ITGB5: variants seen among roughly 807,000 people sequenced by gnomAD.
The protein encoded by ITGB5 is integrin subunit beta 5, also known as integrin beta-5.
A neutral mutation model predicts 84.8 loss-of-function variants in ITGB5; 38 were observed. The observed-to-expected ratio is 0.45, with a 90% confidence interval of 0.35 to 0.59. The LOEUF is 0.59. ITGB5 is among the 20% of genes least tolerant of loss of function. ITGB5 has a pLI of 0.01. For missense variants in ITGB5, 905 were observed against 1,034.5 expected, an observed-to-expected ratio of 0.87 and a Z score of 1.72; for synonymous variants, 393 against 414.4, an observed-to-expected ratio of 0.95 and a Z score of 0.63.
intron 10 of ITGB5, among the ~76,000 whole-genome samples, chr3:124,793,701 G>A (rs558307863): frequency 6.6e-6 from 1 of 152,360 alleles, no homozygotes; most frequent in East Asian, 1.9e-4. Flanking sequence ...TCCTGCTATG[G>A]AGCCCAAACT....
rs1199631266 is a variant in ITGB5, at chr3:124,763,435, CT to C, written c.*187del. ...GGACGCAGCCTGGCATGGCTCTGGC[CT>C]AGCAGCCAGGTGACATGGCCAGGCA... On this transcript the variant is annotated 3_prime_UTR_variant, in exon 15 of 15. Coordinates refer to ENST00000296181, the MANE Select transcript of ITGB5 (RefSeq NM_002213.5). 4.1e-6 allele frequency: 2 copies of C among 489,436 alleles called. No homozygotes were observed. Among genetic ancestry groups the C allele is most frequent in the Non-Finnish European group, 7.4e-6 (2 of 271,964 alleles). The allele number at this position is 489,436 out of a possible 1,614,324, so 30.3% of individuals were successfully genotyped here.
chr3:124,880,893 T>C (rs1000112860), intron 1 of ITGB5, among the ~76,000 whole-genome samples: 7 of 151,880 alleles, frequency 4.6e-5, no homozygotes, highest in Admixed American at 4.6e-4. Flanking sequence ...CACACCACTG[T>C]ACTCCAGCCT....
At chr3:124,854,480 G>A (rs1463034261) in intron 3 of ITGB5, among the ~76,000 whole-genome samples, 1 of 152,188 alleles carries the variant, frequency 6.6e-6, no homozygotes, top group Non-Finnish European at 1.5e-5. Context: ...CTTGAAACAT[G>A]TTGCTAAGTG....
At chr3:124,831,738 T>C (rs1162416041) in intron 5 of ITGB5, among the ~76,000 whole-genome samples, 1 of 152,114 alleles carries the variant, frequency 6.6e-6, no homozygotes, top group African/African-American at 2.4e-5. Flanking sequence ...ATTGTCCAAA[T>C]GAAGAGGCCC....
chr3:124,791,996 C>G (rs955835484), intron 10 of ITGB5: 1 of 152,342 alleles, frequency 6.6e-6, no homozygotes, highest in Admixed American at 6.5e-5. Context: ...AACATGTTAT[C>G]AAGTCCTGCC....
At chr3:124,816,555 G>C (rs1294112911) in intron 8 of ITGB5, among the ~76,000 whole-genome samples, 1 of 152,198 alleles carries the variant, frequency 6.6e-6, no homozygotes. Context: ...TTGAGCAGGT[G>C]GGTAGGCAAT....
intron 4 of ITGB5, among the ~76,000 whole-genome samples, chr3:124,847,876 A>C (rs1168733230): frequency 1.3e-5 from 2 of 152,210 alleles, no homozygotes; most frequent in African/African-American, 4.8e-5. Context: ...AATTATGTGA[A>C]AATAAGTTAT....
intron 2 of ITGB5, 140 bp from the exon 3 acceptor site, chr3:124,859,586 G>A: frequency 1.5e-6 from 1 of 654,308 alleles, no homozygotes; most frequent in Non-Finnish European, 2.7e-6. Flanking sequence ...GGAGGAAATG[G>A]TAATCCCTAT....
At chr3:124,768,058 C>T (rs1355234333) in intron 12 of ITGB5, among the ~76,000 whole-genome samples, 4 of 152,098 alleles carry the variant, frequency 2.6e-5, no homozygotes, top group African/African-American at 9.7e-5. Context: ...TGACAGAGAC[C>T]CTGTCTCGAG....
chr3:124,894,664 G>A (rs1303080946), intron 1 of ITGB5: 1 of 152,120 alleles, frequency 6.6e-6, no homozygotes, highest in African/African-American at 2.4e-5. Context: ...TTCCTTTCCA[G>A]TTATTTCAGT....
At chr3:124,882,391 C>T (rs532316608) in intron 1 of ITGB5, among the ~76,000 whole-genome samples, 19 of 152,244 alleles carry the variant, frequency 1.2e-4, no homozygotes, top group South Asian at 2.1e-4. Flanking sequence ...TAGCTGGGAG[C>T]GGCCAGGGAA....
intron 1 of ITGB5, among the ~76,000 whole-genome samples, chr3:124,875,419 G>T (rs1934262214): frequency 6.7e-6 from 1 of 148,688 alleles, no homozygotes; most frequent in Non-Finnish European, 1.5e-5. Context: ...GGAGGCTGCA[G>T]TGAGCCGAGA....
upstream of ITGB5, among the ~76,000 whole-genome samples, chr3:124,892,660 A>C (rs1032077159): frequency 2.1e-5 from 3 of 144,592 alleles, no homozygotes; most frequent in Non-Finnish European, 4.5e-5. Context: ...GTGCCATTGC[A>C]CTCCAGCCTG....
At chr3:124,898,441 A>G (rs1460271583) in intron 1 of ITGB5, among the ~76,000 whole-genome samples, 3 of 149,378 alleles carry the variant, frequency 2.0e-5, no homozygotes, top group Admixed American at 2.0e-4. Flanking sequence ...CAGGAGATCG[A>G]GACCATCCTG....
In ITGB5 at chr3:124,773,747, G is replaced by GC; in HGVS notation, c.1858dup (p.Ala620GlyfsTer7). On this transcript the variant is annotated frameshift_variant, in exon 11 of 15. Coordinates refer to ENST00000296181, the MANE Select transcript of ITGB5 (RefSeq NM_002213.5). LOFTEE classifies it high-confidence loss of function. Reference sequence around the variant, plus strand: ...GCACTTCTCACACATCTCCCCAAAGGCCCCCGGCTCCGTGCATTGGCACTG... The same window carrying GC: ...GCACTTCTCACACATCTCCCCAAAGGCCCCCCGGCTCCGTGCATTGGCACTG... The GC allele has an allele frequency of 6.2e-7, 1 of 1,612,806 alleles. No homozygotes were observed. Among genetic ancestry groups the GC allele is most frequent in the Non-Finnish European group, 8.5e-7 (1 of 1,180,026 alleles).
At chr3:124,805,699 G>A (rs945577453) in intron 9 of ITGB5, among the ~76,000 whole-genome samples, 6 of 151,814 alleles carry the variant, frequency 4.0e-5, no homozygotes, top group Admixed American at 6.6e-5. Context: ...TGATCCTCCC[G>A]CCTTGAGTTC....
chr3:124,858,392 G>T (rs982560540), intron 3 of ITGB5, among the ~76,000 whole-genome samples: 1 of 152,176 alleles, frequency 6.6e-6, no homozygotes, highest in Admixed American at 6.5e-5. Flanking sequence ...AAAGTGGCGT[G>T]TTTCCTGAGC....
rs536237062 is a variant in ITGB5, at chr3:124,761,965, T to C, written c.*1658A>G. 1 of 152,296 alleles carries C rather than the reference T, an allele frequency of 6.6e-6. No homozygotes were observed. Among genetic ancestry groups the C allele is most frequent in the Non-Finnish European group, 1.5e-5 (1 of 68,022 alleles). The allele number at this position is 152,296 out of a possible 1,614,324, so 9.4% of individuals were successfully genotyped here. The stretch of plus-strand genomic sequence containing the variant: ...ACCCAAAGTTTCTTCCAAAATTACA[T>C]TTATTTTTCTCAATTCAGAAAAGTC... On this transcript the variant is annotated 3_prime_UTR_variant, in exon 15 of 15. Coordinates refer to ENST00000296181, the MANE Select transcript of ITGB5 (RefSeq NM_002213.5).
chr3:124,820,624 C>T (rs963516099), intron 6 of ITGB5, among the ~76,000 whole-genome samples: 2 of 152,090 alleles, frequency 1.3e-5, no homozygotes, highest in African/African-American at 4.8e-5. Context: ...TCCTCTTTGG[C>T]CACCAGAATG....
Sources: allele counts gnomAD v4.1 joint callset (sites outside exome capture counted in the v4.1 genomes callset), GRCh38; gene constraint gnomAD v4.1.1; transcripts MANE v1.5; gene names NCBI Gene and HGNC (gene_info 2026-07-23, HGNC 2026-07-21).